ATRNL1: variants seen among roughly 807,000 people sequenced by gnomAD.
ATRNL1 encodes the protein attractin like 1.
ATRNL1 carries 95 observed loss-of-function variants against 182.7 expected under a neutral mutation model. The observed-to-expected ratio is 0.52, with a 90% CI of 0.44 to 0.62. The LOEUF (loss-of-function observed/expected upper bound fraction) is 0.62, where lower values mean the gene tolerates loss of function less well. ATRNL1 is among the 20% of genes least tolerant of loss of function. ATRNL1 has a pLI of 0.00. For synonymous variants in ATRNL1, 576 were observed against 568.3 expected, an observed-to-expected ratio of 1.01 and a Z score of -0.19; for missense variants, 1,471 against 1,679.5, an observed-to-expected ratio of 0.88 and a Z score of 2.17.
At chr10:115,495,356 CT>C (rs1406374657) in intron 24 of ATRNL1, among the ~76,000 whole-genome samples, 1 of 152,030 alleles carries the variant, frequency 6.6e-6, no homozygotes, top group Non-Finnish European at 1.5e-5. Context: ...TTATCTTCTG[CT>C]AGCTTTGGGT....
chr10:115,319,383 T>G (rs1481275234), intron 18 of ATRNL1, among the ~76,000 whole-genome samples: 9 of 152,166 alleles, frequency 5.9e-5, no homozygotes, highest in Non-Finnish European at 5.9e-5. Flanking sequence ...GGTGGAGAGT[T>G]TTGTAGAAGT....
intron 22 of ATRNL1, among the ~76,000 whole-genome samples, chr10:115,464,364 A>G (rs1241475707): frequency 6.6e-6 from 1 of 151,938 alleles, no homozygotes; most frequent in Non-Finnish European, 1.5e-5. Context: ...TTAACTCGCT[A>G]TCCATCACTT....
intron 9 of ATRNL1, among the ~76,000 whole-genome samples, chr10:115,240,808 A>G (rs1554902674): frequency 6.6e-6 from 1 of 152,038 alleles, no homozygotes; most frequent in Non-Finnish European, 1.5e-5. Context: ...TTTCTCTCAG[A>G]ATTATACTTT....
chr10:115,556,442 C>A (rs972432265), intron 26 of ATRNL1, among the ~76,000 whole-genome samples: 2 of 152,108 alleles, frequency 1.3e-5, no homozygotes, highest in African/African-American at 4.8e-5. Flanking sequence ...GTATGTTTCA[C>A]ATAGTATCAT....
intron 26 of ATRNL1, among the ~76,000 whole-genome samples, chr10:115,708,607 C>T (rs965668369): frequency 6.6e-6 from 1 of 151,738 alleles, no homozygotes; most frequent in Non-Finnish European, 1.5e-5. Flanking sequence ...TTTGTTTGCA[C>T]TAGAGAAAGC....
intron 28 of ATRNL1, among the ~76,000 whole-genome samples, chr10:115,891,268 C>A (rs1456844505): frequency 1.3e-5 from 2 of 152,072 alleles, no homozygotes; most frequent in Non-Finnish European, 2.9e-5. Context: ...AATGTGGGGT[C>A]AGGAAGCAGA....
chr10:115,936,213 C>T (rs539755451), intron 28 of ATRNL1, among the ~76,000 whole-genome samples: 6 of 152,292 alleles, frequency 3.9e-5, no homozygotes, highest in African/African-American at 7.2e-5. Flanking sequence ...ATGAGGATGA[C>T]GGTGATGATG....
intron 9 of ATRNL1, among the ~76,000 whole-genome samples, chr10:115,216,128 C>A (rs1373693765): frequency 2.0e-5 from 3 of 152,120 alleles, no homozygotes; most frequent in African/African-American, 7.2e-5. Flanking sequence ...TATTTAGTTT[C>A]ATCATCTAAC....
chr10:115,929,053 TGAGA>T (rs1555120969), intron 28 of ATRNL1, among the ~76,000 whole-genome samples: 1 of 152,030 alleles, frequency 6.6e-6, no homozygotes, highest in Non-Finnish European at 1.5e-5. Flanking sequence ...CTGAAAAACA[TGAGA>T]GAATCAAAAT....
intron 21 of ATRNL1, among the ~76,000 whole-genome samples, chr10:115,427,113 G>T (rs1331768377): frequency 6.6e-6 from 1 of 152,124 alleles, no homozygotes; most frequent in Admixed American, 6.5e-5. Context: ...GAGAGTTTCA[G>T]TTCTTCCACA....
intron 19 of ATRNL1, among the ~76,000 whole-genome samples, chr10:115,364,710 T>C (rs1467647839): frequency 1.3e-5 from 2 of 151,904 alleles, no homozygotes; most frequent in Admixed American, 1.3e-4. Flanking sequence ...ACCTAATTTA[T>C]TGAGAGTTTT....
chr10:115,656,823 A>G (rs1565256040), intron 26 of ATRNL1, among the ~76,000 whole-genome samples: 2 of 152,128 alleles, frequency 1.3e-5, no homozygotes, highest in African/African-American at 2.4e-5. Flanking sequence ...TCCTTGATAC[A>G]TCCTACCACC....
At chr10:115,489,333 T>C (rs1031846326) in intron 24 of ATRNL1, among the ~76,000 whole-genome samples, 1 of 152,136 alleles carries the variant, frequency 6.6e-6, no homozygotes, top group African/African-American at 2.4e-5. Context: ...GGTGTTAAAG[T>C]CTCCCATTAT....
intron 26 of ATRNL1, among the ~76,000 whole-genome samples, chr10:115,632,212 T>C (rs965941978): frequency 3.9e-5 from 6 of 152,110 alleles, no homozygotes; most frequent in African/African-American, 1.2e-4. Flanking sequence ...GGAGACCATA[T>C]AGGCAAGTAA....
Position 115,139,244 on chromosome 10 carries a change from G to A in ATRNL1, c.829+9709G>A, listed in dbSNP as rs189059197. ...TCTATCTTCTTCTGAGCCTTTCAAA[G>A]CGTTTCAACCTCTGCCTGTTACGCA... On this transcript the variant is annotated intron_variant, in intron 5 of 28. Transcript: ENST00000355044. Among the ~76,000 whole-genome samples, 5 of 152,242 alleles carry A rather than the reference G, an allele frequency of 3.3e-5. No individual in the cohort carries two copies. In the East Asian group the frequency reaches 9.7e-4, roughly 29 times the overall value.
chr10:115,391,516 A>G (rs1327296307), intron 19 of ATRNL1, among the ~76,000 whole-genome samples: 1 of 152,034 alleles, frequency 6.6e-6, no homozygotes, highest in Non-Finnish European at 1.5e-5. Flanking sequence ...TGCTTATTTC[A>G]TTCTTCCTTG....
At position 115,948,965 on chromosome 10, in the gene ATRNL1, TA is replaced by T. The variant is rs1363015461; in HGVS notation, c.*4191del. 1 of 152,214 alleles carries T rather than the reference TA, an allele frequency of 6.6e-6. No individual in the cohort carries two copies. The highest frequency in any genetic ancestry group is 1.5e-5 in the Non-Finnish European group (1 of 68,034). The allele number at this position is 152,214 out of a possible 1,614,324, so 9.4% of individuals were successfully genotyped here. A position where few individuals can be genotyped will look rare whatever the true frequency, so the allele number is the denominator to read the frequency against. On this transcript the variant is annotated 3_prime_UTR_variant, in exon 29 of 29. Coordinates refer to ENST00000355044, the MANE Select transcript of ATRNL1 (RefSeq NM_207303.4). ...TGCTGTTAATCAGGACTTTATTAAA[TA>T]AAAACATTGGCTCTTCCAACCCCCA... is the stretch of plus-strand genomic sequence containing the variant.
At chr10:115,370,382 G>A (rs1857330240) in intron 19 of ATRNL1, among the ~76,000 whole-genome samples, 1 of 152,198 alleles carries the variant, frequency 6.6e-6, no homozygotes, top group Non-Finnish European at 1.5e-5. Flanking sequence ...GGGAAATGTG[G>A]GAAAGTGTGG....
intron 22 of ATRNL1, among the ~76,000 whole-genome samples, chr10:115,464,454 A>G (rs1276833982): frequency 6.6e-6 from 1 of 151,928 alleles, no homozygotes; most frequent in Non-Finnish European, 1.5e-5. Context: ...CATATCTAAC[A>G]AACAATGTTC....
Sources: gnomAD v4.1 joint callset for allele counts (sites outside exome capture counted in the v4.1 genomes callset) on GRCh38, gnomAD v4.1.1 for gene constraint, MANE v1.5 for transcripts, NCBI Gene and HGNC (gene_info 2026-07-23, HGNC 2026-07-21) for gene names.